ERBB4: variants seen among roughly 807,000 people sequenced by gnomAD.
ERBB4 encodes erb-b2 receptor tyrosine kinase 4, also known as receptor tyrosine-protein kinase erbB-4.
In ERBB4, 42 loss-of-function variants were observed where a neutral mutation model predicts 158.0. That is an observed-to-expected ratio of 0.27 (90% CI 0.21 to 0.34). The LOEUF (loss-of-function observed/expected upper bound fraction) is 0.34, where lower values mean the gene tolerates loss of function less well. Among genes scored for constraint, ERBB4 ranks in the 10% least tolerant of loss-of-function variants. The pLI, the probability that ERBB4 is intolerant of heterozygous loss-of-function variation, is 1.00. For missense variants in ERBB4, 1,333 were observed against 1,624.1 expected, an observed-to-expected ratio of 0.82 and a Z score of 3.08; for synonymous variants, 583 against 558.7, an observed-to-expected ratio of 1.04 and a Z score of -0.61.
intron 1 of ERBB4, among the ~76,000 whole-genome samples, chr2:212,534,246 CT>C (rs1327207426): frequency 5.3e-5 from 8 of 152,200 alleles, no homozygotes; most frequent in Middle Eastern, 3.2e-3. Context: ...AAAATATGCA[CT>C]GTGCATAGCC....
chr2:212,391,951 T>C (rs943394863), intron 1 of ERBB4, among the ~76,000 whole-genome samples: 1 of 151,342 alleles, frequency 6.6e-6, no homozygotes, highest in African/African-American at 2.4e-5. Context: ...AAATTTTTAA[T>C]TTAAAAGGAT....
In ERBB4 at chr2:212,042,327, T is replaced by A. The variant is rs539157687; in HGVS notation, c.234+82425A>T. ...TTTTAAAGATTAAAATTTTCCATAA[T>A]TTACAGCAAAATTGTTTAGACTATA... is the stretch of plus-strand genomic sequence containing the variant. On this transcript the variant is annotated intron_variant, in intron 2 of 27. Coordinates refer to ENST00000342788, the MANE Select transcript of ERBB4 (RefSeq NM_005235.3). Among the ~76,000 whole-genome samples the A allele has an allele frequency of 4.5e-4, 68 of 152,212 alleles. 1 individual carries two copies. The highest frequency in any genetic ancestry group is 4.3e-3 in the Admixed American group (65 of 15,270).
intron 1 of ERBB4, among the ~76,000 whole-genome samples, chr2:212,432,051 C>T (rs1464277396): frequency 6.6e-6 from 1 of 152,118 alleles, no homozygotes; most frequent in African/African-American, 2.4e-5. Flanking sequence ...ATGATTAGAG[C>T]ATGTATTGAA....
intron 2 of ERBB4, among the ~76,000 whole-genome samples, chr2:212,080,630 A>G (rs2078412169): frequency 6.6e-6 from 1 of 150,990 alleles, no homozygotes; most frequent in Non-Finnish European, 1.5e-5. Flanking sequence ...ACAATTTAGC[A>G]GATGATTTTG....
intron 1 of ERBB4, among the ~76,000 whole-genome samples, chr2:212,351,307 C>T (rs1216202596): frequency 6.6e-6 from 1 of 152,088 alleles, no homozygotes; most frequent in Non-Finnish European, 1.5e-5. Flanking sequence ...TCAAAACTGC[C>T]AATGCCTTGA....
chr2:212,118,719 T>TA (rs2079646654), intron 2 of ERBB4, among the ~76,000 whole-genome samples: 5 of 151,576 alleles, frequency 3.3e-5, no homozygotes, highest in Non-Finnish European at 7.4e-5. Flanking sequence ...CAAAGTTTTT[T>TA]TAAAAAAAAA....
intron 3 of ERBB4, among the ~76,000 whole-genome samples, chr2:211,933,769 C>T (rs996001865): frequency 3.3e-5 from 5 of 151,954 alleles, no homozygotes; most frequent in Non-Finnish European, 7.4e-5. Context: ...AGGGGTTAGA[C>T]GATCTTTAAA....
chr2:211,754,321 G>A (rs2075230967), intron 4 of ERBB4, among the ~76,000 whole-genome samples: 2 of 152,112 alleles, frequency 1.3e-5, no homozygotes, highest in African/African-American at 4.8e-5. Flanking sequence ...GCAGTGTTTA[G>A]GGGTTTTGCC....
At chr2:212,045,146 G>A (rs2077229871) in intron 2 of ERBB4, among the ~76,000 whole-genome samples, 1 of 152,116 alleles carries the variant, frequency 6.6e-6, no homozygotes. Context: ...CCTTGGTATG[G>A]CAATTAAATA....
chr2:211,982,377 G>T (rs74943712), intron 2 of ERBB4, among the ~76,000 whole-genome samples: 4,749 of 152,158 alleles, frequency 0.031, 72 homozygotes, highest in African/African-American at 0.048. Context: ...ACAGAGACCT[G>T]TAGAAAACAA....
At chr2:212,394,370 C>T (rs936015902) in intron 1 of ERBB4, among the ~76,000 whole-genome samples, 2 of 151,816 alleles carry the variant, frequency 1.3e-5, no homozygotes, top group African/African-American at 2.4e-5. Flanking sequence ...ATGGTACTGT[C>T]GCTAATATAA....
chr2:211,768,658 C>G (rs1014390664), intron 4 of ERBB4, among the ~76,000 whole-genome samples: 8 of 152,220 alleles, frequency 5.3e-5, no homozygotes, highest in African/African-American at 1.9e-4. Context: ...ATGTCCTGAA[C>G]TGTATGTTGG....
intron 25 of ERBB4, among the ~76,000 whole-genome samples, chr2:211,417,603 T>C (rs1171581718): frequency 5.3e-5 from 8 of 152,244 alleles, no homozygotes; most frequent in Non-Finnish European, 1.2e-4. Flanking sequence ...AATATAAACA[T>C]TGTATTTTGA....
intron 1 of ERBB4, among the ~76,000 whole-genome samples, chr2:212,332,121 A>C (rs2088206148): frequency 6.6e-6 from 1 of 152,086 alleles, no homozygotes; most frequent in Admixed American, 6.6e-5. Context: ...GTGAGAATTT[A>C]ACATGAGGTA....
At chr2:211,726,287 A>T (rs1244448036) in intron 5 of ERBB4, among the ~76,000 whole-genome samples, 1 of 152,094 alleles carries the variant, frequency 6.6e-6, no homozygotes, top group African/African-American at 2.4e-5. Flanking sequence ...GATAAAAGTC[A>T]TTCATCTTCT....
At chr2:212,503,176 C>T (rs1575041333) in intron 1 of ERBB4, among the ~76,000 whole-genome samples, 1 of 152,212 alleles carries the variant, frequency 6.6e-6, no homozygotes, top group Non-Finnish European at 1.5e-5. Context: ...GAGAAATAAA[C>T]TCTTACTGGG....
intron 16 of ERBB4, among the ~76,000 whole-genome samples, chr2:211,634,031 C>T (rs1329403162): frequency 6.6e-6 from 1 of 152,164 alleles, no homozygotes; most frequent in Non-Finnish European, 1.5e-5. Context: ...TGGTGGCATG[C>T]ACCTGTAAAT....
intron 3 of ERBB4, among the ~76,000 whole-genome samples, chr2:211,863,689 C>T (rs2078129361): frequency 6.6e-6 from 1 of 152,120 alleles, no homozygotes; most frequent in Admixed American, 6.5e-5. Context: ...TCTGAAGTAA[C>T]AAACTCCAGA....
chr2:211,866,118 G>T (rs1303104884), intron 3 of ERBB4, among the ~76,000 whole-genome samples: 1 of 152,100 alleles, frequency 6.6e-6, no homozygotes, highest in African/African-American at 2.4e-5. Flanking sequence ...TGGTGTGGTG[G>T]CAGGTGCCTG....
Sources: gnomAD v4.1 joint callset for allele counts (sites outside exome capture counted in the v4.1 genomes callset) on GRCh38, gnomAD v4.1.1 for gene constraint, MANE v1.5 for transcripts, NCBI Gene and HGNC (gene_info 2026-07-23, HGNC 2026-07-21) for gene names.